KATNIP: variants seen among roughly 807,000 people sequenced by gnomAD.
The protein encoded by KATNIP is katanin interacting protein.
A neutral mutation model predicts 174.0 loss-of-function variants in KATNIP; 126 were observed. The observed-to-expected ratio is 0.72, with a 90% CI of 0.63 to 0.84. The LOEUF is 0.84. Among genes scored for constraint, KATNIP ranks in the 40% least tolerant of loss-of-function variants. KATNIP has a pLI of 0.00. For synonymous variants in KATNIP, 810 were observed against 835.7 expected (o/e 0.97, Z 0.53); for missense variants, 1,958 against 2,109.7 (o/e 0.93, Z 1.41).
rs1303385957 is a variant in KATNIP, at chr16:27,754,170, C to T, written c.3553-3C>T. ...TTCCTCTGCTTCTCCAACCCATGTG[C>T]AGATCCCGGAGCTAGAGCTCCCATC... On this transcript the variant is annotated splice_region_variant and splice_polypyrimidine_tract_variant and intron_variant, in intron 17 of 27. Coordinates refer to ENST00000261588, the MANE Select transcript of KATNIP (RefSeq NM_015202.5). The T allele has an allele frequency of 6.2e-7, 1 of 1,613,404 alleles. No individual in the cohort carries two copies. The highest frequency in any genetic ancestry group is 8.5e-7 in the Non-Finnish European group (1 of 1,179,500).
chr16:27,720,849 AAAGCC>A (rs1394614910), intron 13 of KATNIP, among the ~76,000 whole-genome samples: 25 of 152,298 alleles, frequency 1.6e-4, no homozygotes, highest in African/African-American at 5.8e-4. Context: ...GGTATTGTAG[AAAGCC>A]AAGAGGAGGC....
In KATNIP at chr16:27,771,998, C is replaced by G. The variant is rs575408829; in HGVS notation, c.4198+346C>G. Among the ~76,000 whole-genome samples, 432 of 152,264 alleles carry G rather than the reference C, an allele frequency of 2.8e-3. 3 individuals carry two copies. Among genetic ancestry groups the G allele is most frequent in the Middle Eastern group, 0.01 (3 of 294 alleles). ...TGAAGATAGAAATAACTTGGCAATCCAGGCACAATAGCTCACACCTGTAAT... is the reference window on the plus strand; with the variant it reads ...TGAAGATAGAAATAACTTGGCAATCGAGGCACAATAGCTCACACCTGTAAT... On this transcript the variant is annotated intron_variant, in intron 22 of 27. Coordinates refer to ENST00000261588, the MANE Select transcript of KATNIP (RefSeq NM_015202.5).
At chr16:27,620,727 G>A (rs1035486585) in intron 3 of KATNIP, among the ~76,000 whole-genome samples, 2 of 151,872 alleles carry the variant, frequency 1.3e-5, no homozygotes, top group African/African-American at 4.9e-5. Context: ...TGGGTTGTCT[G>A]TAACCCGAGA....
intron 20 of KATNIP, among the ~76,000 whole-genome samples, chr16:27,768,227 C>T (rs2082186066): frequency 6.6e-6 from 1 of 152,230 alleles, no homozygotes; most frequent in Admixed American, 6.5e-5. Context: ...AGCCAGGGCC[C>T]TGGACTCCTG....
intron 15 of KATNIP, among the ~76,000 whole-genome samples, chr16:27,745,046 A>G (rs2081239640): frequency 6.6e-6 from 1 of 152,262 alleles, no homozygotes; most frequent in Non-Finnish European, 1.5e-5. Flanking sequence ...AGCAAGAGAG[A>G]AAGAGCAAGC....
chr16:27,721,787 G>A, intron 14 of KATNIP, 92 bp downstream of exon 14: 3 of 1,432,984 alleles, frequency 2.1e-6, no homozygotes, highest in East Asian at 4.7e-5. Flanking sequence ...GTTGCAAAAT[G>A]GATACACGGA....
chr16:27,653,413 C>G (rs996260911), intron 6 of KATNIP, among the ~76,000 whole-genome samples: 1 of 152,012 alleles, frequency 6.6e-6, no homozygotes, highest in African/African-American at 2.4e-5. Flanking sequence ...CCTTGGCCAG[C>G]CCACCCCAAC....
chr16:27,744,532 C>A (rs1779768577), intron 15 of KATNIP, among the ~76,000 whole-genome samples: 1 of 151,988 alleles, frequency 6.6e-6, no homozygotes, highest in South Asian at 2.1e-4. Flanking sequence ...TGCAGTCAGC[C>A]ATGATCACAC....
At chr16:27,741,777 CT>C (rs2081118161) in intron 15 of KATNIP, among the ~76,000 whole-genome samples, 1 of 152,110 alleles carries the variant, frequency 6.6e-6, no homozygotes, top group African/African-American at 2.4e-5. Context: ...TGGTGCGTTC[CT>C]GTAATCCCAG....
rs1037372205 is a variant in KATNIP at position 27,778,755 on chromosome 16, G to A, written c.*126G>A. On this transcript the variant is annotated 3_prime_UTR_variant, in exon 28 of 28. Coordinates refer to ENST00000261588, the MANE Select transcript of KATNIP (RefSeq NM_015202.5). ...CGAACCACAGTGTTGAGGGGAGCCC[G>A]CTGGGAAGAGGGGACTCGGGAGGAC... 3 of 876,738 alleles carry A rather than the reference G, an allele frequency of 3.4e-6. No individual in the cohort carries two copies. The highest frequency in any genetic ancestry group is 5.3e-6 in the Non-Finnish European group (3 of 568,748). 54.3% of individuals were successfully genotyped at this position (876,738 alleles called of 1,614,324 possible).
At chr16:27,632,304 G>T (rs747247766) in intron 5 of KATNIP, among the ~76,000 whole-genome samples, 2 of 152,172 alleles carry the variant, frequency 1.3e-5, no homozygotes, top group Non-Finnish European at 2.9e-5. Flanking sequence ...CACAGCCTCA[G>T]GCCAGAAGCC....
chr16:27,555,323 C>T (rs1203725210), intron 1 of KATNIP, among the ~76,000 whole-genome samples: 3 of 152,120 alleles, frequency 2.0e-5, no homozygotes, highest in Non-Finnish European at 4.4e-5. Flanking sequence ...CAACCCTTTC[C>T]CTGGCCTTTT....
chr16:27,593,353 T>C (rs753463886), intron 2 of KATNIP, among the ~76,000 whole-genome samples: 3 of 151,272 alleles, frequency 2.0e-5, no homozygotes, highest in Non-Finnish European at 4.4e-5. Flanking sequence ...ACTCTTCTGC[T>C]TCAGCCTCCC....
intron 1 of KATNIP, among the ~76,000 whole-genome samples, chr16:27,565,290 AC>A (rs2090041234): frequency 6.7e-6 from 1 of 150,188 alleles, no homozygotes; most frequent in Non-Finnish European, 1.5e-5. Context: ...ACATAGTGAA[AC>A]CCCGTCTCTG....
At chr16:27,758,608 AT>A (rs1467567707) in intron 18 of KATNIP, among the ~76,000 whole-genome samples, 4 of 151,954 alleles carry the variant, frequency 2.6e-5, no homozygotes, top group African/African-American at 9.7e-5. Context: ...GTCTGATTTC[AT>A]TTTCTTCTAC....
At chr16:27,561,651 C>G (rs1156470808) in intron 1 of KATNIP, among the ~76,000 whole-genome samples, 1 of 152,142 alleles carries the variant, frequency 6.6e-6, no homozygotes, top group Non-Finnish European at 1.5e-5. Context: ...CAGGGCCCAC[C>G]ACATTTTTCT....
Position 27,654,692 on chromosome 16 carries a change from A to G in KATNIP, c.540+5957A>G, listed in dbSNP as rs998598335. The G allele has an allele frequency of 3.7e-6, 5 of 1,351,964 alleles. No individual in the cohort carries two copies. In the African/African-American group the frequency reaches 7.4e-5, roughly 20 times the overall value. The allele number at this position is 1,351,964 out of a possible 1,614,324, so 83.7% of individuals were successfully genotyped here. A position where few individuals can be genotyped will look rare whatever the true frequency, so the allele number is the denominator to read the frequency against. The stretch of plus-strand genomic sequence containing the variant: ...ATGTGGACATTCTGACCCTTCAAGC[A>G]GCGTGGACAAAGAAAGGATCCTCTT... On this transcript the variant is annotated intron_variant, in intron 6 of 27. Coordinates refer to ENST00000261588, the MANE Select transcript of KATNIP (RefSeq NM_015202.5).
chr16:27,729,389 C>G (rs1287512242), intron 14 of KATNIP, among the ~76,000 whole-genome samples: 1 of 152,192 alleles, frequency 6.6e-6, no homozygotes, highest in East Asian at 1.9e-4. Context: ...GCATTGCTAC[C>G]TGGGGTGGGC....
chr16:27,745,957 C>CTTTT (rs759181249), intron 15 of KATNIP, among the ~76,000 whole-genome samples: 53 of 92,100 alleles, frequency 5.8e-4, no homozygotes, highest in Non-Finnish European at 7.5e-4. Context: ...AACTCCTCTG[C>CTTTT]TTTTTTTTTT....
Sources: gnomAD v4.1 joint callset for allele counts (sites outside exome capture counted in the v4.1 genomes callset) on GRCh38, gnomAD v4.1.1 for gene constraint, MANE v1.5 for transcripts, NCBI Gene and HGNC (gene_info 2026-07-23, HGNC 2026-07-21) for gene names.